Variants in RBMS1 observed in about 807,000 individuals in gnomAD.
RBMS1 encodes the protein RNA-binding motif, single-stranded-interacting protein 1.
In RBMS1, 17 loss-of-function variants were observed where a neutral mutation model predicts 62.3. That is an observed-to-expected ratio of 0.27 (90% confidence interval 0.19 to 0.41). The LOEUF (loss-of-function observed/expected upper bound fraction) is 0.41. Among genes scored for constraint, RBMS1 ranks in the 10% least tolerant of loss-of-function variants. The pLI is 1.00. For synonymous variants in RBMS1, 172 were observed against 170.0 expected (o/e 1.01, Z -0.09); for missense variants, 334 against 504.5 (o/e 0.66, Z 3.24).
intron 6 of RBMS1, 31 bp from the exon 7 acceptor site, chr2:160,287,115 C>T: frequency 4.3e-6 from 7 of 1,610,768 alleles, no homozygotes; most frequent in Non-Finnish European, 5.9e-6. Context: ...AAAATGAAAC[C>T]ACAATGATAC....
At chr2:160,390,889 ACC>A (rs1491192698) in intron 1 of RBMS1, among the ~76,000 whole-genome samples, 4 of 77,084 alleles carry the variant, frequency 5.2e-5, no homozygotes, top group Non-Finnish European at 9.0e-5. Context: ...AAAAACAACC[ACC>A]AAAAAAAAAA....
intron 1 of RBMS1, among the ~76,000 whole-genome samples, chr2:160,440,107 G>C (rs1307562573): frequency 9.1e-6 from 1 of 110,438 alleles, no homozygotes; most frequent in Admixed American, 1.0e-4. Context: ...GGAGAGGGGA[G>C]AGGGCTTTTT....
chr2:160,454,498 G>A (rs1441579886), intron 1 of RBMS1, among the ~76,000 whole-genome samples: 1 of 152,224 alleles, frequency 6.6e-6, no homozygotes, highest in African/African-American at 2.4e-5. Context: ...CTCTAAGGAA[G>A]CAACTGGAAC....
intron 1 of RBMS1, among the ~76,000 whole-genome samples, chr2:160,397,967 C>T (rs1695233555): frequency 6.6e-6 from 1 of 152,176 alleles, no homozygotes; most frequent in South Asian, 2.1e-4. Flanking sequence ...GAAGTCTGTC[C>T]CATCTCTTGT....
intron 1 of RBMS1, among the ~76,000 whole-genome samples, chr2:160,467,003 T>C (rs893193438): frequency 6.6e-6 from 1 of 152,132 alleles, no homozygotes; most frequent in African/African-American, 2.4e-5. Context: ...TAAATAAATG[T>C]TAACTAATTG....
chr2:160,407,991 G>C, intron 1 of RBMS1: 1 of 901,362 alleles, frequency 1.1e-6, no homozygotes, highest in South Asian at 5.1e-5. Flanking sequence ...CCCGCCCGCT[G>C]GGCGCGGCGC....
At chr2:160,439,298 C>T (rs1683285015) in intron 1 of RBMS1, among the ~76,000 whole-genome samples, 1 of 147,272 alleles carries the variant, frequency 6.8e-6, no homozygotes, top group Non-Finnish European at 1.5e-5. Context: ...ACTTCTCAGA[C>T]AGGGCGGCTG....
At chr2:160,399,235 T>C (rs1695312649) in intron 1 of RBMS1, among the ~76,000 whole-genome samples, 1 of 152,248 alleles carries the variant, frequency 6.6e-6, no homozygotes, top group East Asian at 1.9e-4. Flanking sequence ...CGAGAACTTT[T>C]GGAGGACACA....
intron 2 of RBMS1, among the ~76,000 whole-genome samples, chr2:160,333,671 T>C (rs1407678725): frequency 1.3e-5 from 2 of 152,170 alleles, no homozygotes; most frequent in Non-Finnish European, 2.9e-5. Flanking sequence ...AATTCACTGA[T>C]GGAGCCAATA....
chr2:160,274,057 C>T lies in RBMS1; in HGVS notation c.*715G>A, dbSNP rs754917231. 10 of 152,636 alleles carry T rather than the reference C, an allele frequency of 6.6e-5. No individual in the cohort carries two copies. The highest frequency in any genetic ancestry group is 1.2e-4 in the Non-Finnish European group (8 of 68,032). 9.5% of individuals were successfully genotyped at this position (152,636 alleles called of 1,614,324 possible). On this transcript the variant is annotated 3_prime_UTR_variant, in exon 14 of 14. Transcript: ENST00000348849. Reference sequence around the variant, plus strand: ...TTGACTACCTTTTAAAAGCCCTATGCTGCTGTTTTACAAGGCATAATAGAC... The same window carrying T: ...TTGACTACCTTTTAAAAGCCCTATGTTGCTGTTTTACAAGGCATAATAGAC...
At position 160,407,723 on chromosome 2, in the gene RBMS1, C is replaced by T; in HGVS notation, c.76-40332G>A. The T allele has an allele frequency of 4.1e-6, 4 of 981,444 alleles. No homozygotes were observed. In the South Asian group the frequency reaches 1.9e-4, roughly 46 times the overall value. The allele number at this position is 981,444 out of a possible 1,614,324, so 60.8% of individuals were successfully genotyped here. ...TGACTTCCCCTCCGCCTTCGACCTC[C>T]GCACTCGCCTAAAAGTACGGCGCGG... On this transcript the variant is annotated intron_variant, in intron 1 of 13. Transcript: ENST00000348849.
At chr2:160,348,053 T>C (rs1363082205) in intron 2 of RBMS1, among the ~76,000 whole-genome samples, 2 of 152,062 alleles carry the variant, frequency 1.3e-5, no homozygotes, top group African/African-American at 2.4e-5. Context: ...AGTGATTATC[T>C]CTAATTTTAT....
At chr2:160,490,942 G>A (rs113547838) in intron 1 of RBMS1, among the ~76,000 whole-genome samples, 230 of 152,268 alleles carry the variant, frequency 1.5e-3, no homozygotes, top group African/African-American at 5.4e-3. Context: ...GAAGGTTAAA[G>A]CACACACAGA....
At chr2:160,403,606 A>G (rs1695544352) in intron 1 of RBMS1, among the ~76,000 whole-genome samples, 2 of 152,236 alleles carry the variant, frequency 1.3e-5, no homozygotes, top group Non-Finnish European at 2.9e-5. Context: ...TCCCTCATCA[A>G]AAGTTAGCAA....
intron 1 of RBMS1, among the ~76,000 whole-genome samples, chr2:160,380,822 G>A (rs957628443): frequency 4.6e-5 from 7 of 152,184 alleles, no homozygotes; most frequent in Non-Finnish European, 8.8e-5. Context: ...GGCAGGGAAC[G>A]GTGGCAGCCA....
intron 1 of RBMS1, among the ~76,000 whole-genome samples, chr2:160,453,977 TCTC>T (rs1684104346): frequency 6.6e-6 from 1 of 152,268 alleles, no homozygotes; most frequent in East Asian, 1.9e-4. Context: ...TTCAATGTCA[TCTC>T]CTCTATGAAC....
intron 4 of RBMS1, among the ~76,000 whole-genome samples, chr2:160,312,086 G>C (rs1689956065): frequency 6.6e-6 from 1 of 152,170 alleles, no homozygotes; most frequent in Non-Finnish European, 1.5e-5. Flanking sequence ...TTGAAAGTGG[G>C]GTTGGGGGGA....
chr2:160,337,774 T>C (rs1691657452), intron 2 of RBMS1, among the ~76,000 whole-genome samples: 1 of 152,090 alleles, frequency 6.6e-6, no homozygotes, highest in South Asian at 2.1e-4. Context: ...GATACCAAAA[T>C]TTAACCACAT....
At chr2:160,355,716 T>G (rs1573920861) in intron 2 of RBMS1, among the ~76,000 whole-genome samples, 1 of 152,206 alleles carries the variant, frequency 6.6e-6, no homozygotes, top group Non-Finnish European at 1.5e-5. Context: ...TGGGGCTGCC[T>G]AGCTCATCCT....
Sources: allele counts gnomAD v4.1 joint callset (sites outside exome capture counted in the v4.1 genomes callset), GRCh38; gene constraint gnomAD v4.1.1; transcripts MANE v1.5; gene names NCBI Gene and HGNC (gene_info 2026-07-23, HGNC 2026-07-21).